NCF2: variants seen among roughly 807,000 people sequenced by gnomAD.
NCF2 encodes the protein neutrophil cytosol factor 2.
NCF2 carries 45 observed loss-of-function variants against 70.9 expected under a neutral mutation model. That is an observed-to-expected ratio of 0.63 (90% CI 0.50 to 0.81). NCF2 has a LOEUF of 0.81. Among genes scored for constraint, NCF2 ranks in the 40% least tolerant of loss-of-function variants. The pLI, the probability that NCF2 is intolerant of heterozygous loss-of-function variation, is 0.00. For missense variants in NCF2, 522 were observed against 631.6 expected (o/e 0.83, Z 1.86); for synonymous variants, 203 against 233.6 (o/e 0.87, Z 1.19).
At chr1:183,591,964 T>C (rs1673673432), upstream of NCF2, among the ~76,000 whole-genome samples, 2 of 152,180 alleles carry the variant, frequency 1.3e-5, no homozygotes, top group African/African-American at 4.8e-5. Context: ...AAAAAACAGA[T>C]TTAAGAGTTC....
intron 3 of NCF2, among the ~76,000 whole-genome samples, chr1:183,576,522 G>C (rs551149903): frequency 6.8e-4 from 103 of 152,340 alleles, no homozygotes; most frequent in African/African-American, 2.5e-3. Flanking sequence ...TTCCCACGAT[G>C]CGCAGGACGC....
At chr1:183,595,579 C>A (rs953483253), upstream of NCF2, among the ~76,000 whole-genome samples, 3 of 152,228 alleles carry the variant, frequency 2.0e-5, no homozygotes, top group East Asian at 5.8e-4. Flanking sequence ...GGAGACTTGA[C>A]GGCATCTGCT....
At chr1:183,583,031 T>C (rs1369326994) in intron 2 of NCF2, among the ~76,000 whole-genome samples, 1 of 152,108 alleles carries the variant, frequency 6.6e-6, no homozygotes. Flanking sequence ...CCTTAAACAA[T>C]TCCCTTTTGT....
At position 183,557,588 on chromosome 1, in the gene NCF2, T is replaced by C. The variant is rs570505900; in HGVS notation, c.1469-1358A>G. Among the ~76,000 whole-genome samples, 9 of 152,362 alleles carry C rather than the reference T, an allele frequency of 5.9e-5. No homozygotes were observed. In the South Asian group the frequency reaches 6.2e-4, roughly 11 times the overall value. On this transcript the variant is annotated intron_variant, in intron 14 of 14. Coordinates refer to ENST00000367535, the MANE Select transcript of NCF2 (RefSeq NM_000433.4). ...CTCCCCTCTGTCCTACCCTGACCGC[T>C]AAATTCTGTTTTCTGTTGAAGTGCT...
intron 11 of NCF2, 22 bp downstream of exon 11, chr1:183,563,983 C>G: frequency 1.3e-6 from 2 of 1,598,080 alleles, no homozygotes; most frequent in Non-Finnish European, 1.7e-6. Context: ...CCACTTGAAA[C>G]AGTATGAGGG....
In NCF2 at chr1:183,590,020, G is replaced by A. The variant is rs555224741; in HGVS notation, c.174+136C>T. The A allele has an allele frequency of 4.7e-5, 63 of 1,327,138 alleles. 1 individual carries two copies. The African/African-American group carries it at 8.2e-4, about 17-fold the overall frequency. The allele number at this position is 1,327,138 out of a possible 1,614,324, so 82.2% of individuals were successfully genotyped here. ...GCCCCTCCCAGACCAGTTAAATCAG[G>A]CTGTCTAGGGGTGGAGCTTGGGCAA... On this transcript the variant is annotated intron_variant, in intron 1 of 14. Transcript: ENST00000367535.
At chr1:183,599,512 C>CTTCCTTCTTTCTCTTTCTTTCTTTCT in the NCF2 span, among the ~76,000 whole-genome samples, 2 of 122,864 alleles carry the variant, frequency 1.6e-5, no homozygotes, top group Non-Finnish European at 1.6e-5. Context: ...TTCTTCCTTC[C>CTTCCTTCTTTCTCTTTCTTTCTTTCT]TTCCTTCTTT....
intron 11 of NCF2, chr1:183,563,798 G>T: frequency 1.2e-6 from 1 of 809,948 alleles, no homozygotes; most frequent in Non-Finnish European, 2.1e-6. Flanking sequence ...GTAAGATCTG[G>T]CCCACTAGCT....
Position 183,563,808 on chromosome 1 carries a change from T to G in NCF2, c.1026+197A>C, listed in dbSNP as rs567145856. 4 of 817,976 alleles carry G rather than the reference T, an allele frequency of 4.9e-6. No homozygotes were observed. In the South Asian group the frequency reaches 6.1e-5, roughly 12 times the overall value. 50.7% of individuals were successfully genotyped at this position (817,976 alleles called of 1,614,324 possible). A position where few individuals can be genotyped will look rare whatever the true frequency, so the allele number is the denominator to read the frequency against. On this transcript the variant is annotated intron_variant, in intron 11 of 14. Transcript: ENST00000367535. ...ACTGAGTAAGATCTGGCCCACTAGC[T>G]TGGGTAGTAGGAAGTGTGTGCATGA...
chr1:183,587,093 C>CGAG, intron 1 of NCF2, 116 bp from the exon 2 acceptor site: 1 of 978,282 alleles, frequency 1.0e-6, no homozygotes, highest in Non-Finnish European at 1.6e-6. Flanking sequence ...TGTCTGCCCT[C>CGAG]GTCGGCACCT....
At chr1:183,598,707 C>T in the NCF2 span, among the ~76,000 whole-genome samples, 2 of 152,100 alleles carry the variant, frequency 1.3e-5, no homozygotes, top group Non-Finnish European at 2.9e-5. Context: ...AGAGTGAAAG[C>T]AAAACTGCTC....
At chr1:183,594,089 G>A (rs76655944), upstream of NCF2, among the ~76,000 whole-genome samples, 1,148 of 152,342 alleles carry the variant, frequency 7.5e-3, 8 homozygotes, top group Middle Eastern at 0.02. Flanking sequence ...CAGATGCTTA[G>A]TTATGCTGAT....
intron 14 of NCF2, among the ~76,000 whole-genome samples, chr1:183,558,635 G>A (rs1022645100): frequency 6.6e-6 from 1 of 151,662 alleles, no homozygotes. Context: ...GTGCAATCTC[G>A]GCTCACTGCA....
chr1:183,588,346 A>G (rs1280801661), intron 1 of NCF2, among the ~76,000 whole-genome samples: 1 of 152,044 alleles, frequency 6.6e-6, no homozygotes, highest in African/African-American at 2.4e-5. Context: ...TTGGTGGTGC[A>G]TGCCTGTAAT....
intron 10 of NCF2, among the ~76,000 whole-genome samples, chr1:183,564,925 C>T (rs1199009340): frequency 6.6e-6 from 1 of 152,202 alleles, no homozygotes; most frequent in African/African-American, 2.4e-5. Context: ...AACTTTTCAA[C>T]TGGCTCGGGG....
At chr1:183,594,529 T>C (rs1232935231), upstream of NCF2, among the ~76,000 whole-genome samples, 4 of 152,222 alleles carry the variant, frequency 2.6e-5, no homozygotes, top group Non-Finnish European at 4.4e-5. Context: ...TTCTATTAGT[T>C]ATGGTTTAAA....
the NCF2 span, among the ~76,000 whole-genome samples, chr1:183,601,840 A>G: frequency 6.7e-6 from 1 of 148,622 alleles, no homozygotes; most frequent in Non-Finnish European, 1.5e-5. Flanking sequence ...ACTGGGCGAC[A>G]GAGAGAGATC....
the NCF2 span, among the ~76,000 whole-genome samples, chr1:183,598,910 G>A: frequency 6.6e-6 from 1 of 152,230 alleles, no homozygotes; most frequent in Non-Finnish European, 1.5e-5. Flanking sequence ...GGATGTATGG[G>A]CAAGTATGAG....
rs189540801 is a variant in NCF2, at chr1:183,574,638, C to T, written c.367-17G>A. The T allele has an allele frequency of 3.8e-4, 611 of 1,613,922 alleles. 2 individuals carry two copies. In the Admixed American group the frequency reaches 4.0e-3, roughly 11 times the overall value. ...ATATAACACCTAGAAAAGTACAGAC[C>T]GCAACATAAAACTTGAGACTACTCC... On this transcript the variant is annotated splice_polypyrimidine_tract_variant and intron_variant, in intron 3 of 14. Transcript: ENST00000367535.
Sources: gnomAD v4.1 joint callset for allele counts (sites outside exome capture counted in the v4.1 genomes callset) on GRCh38, gnomAD v4.1.1 for gene constraint, MANE v1.5 for transcripts, NCBI Gene and HGNC (gene_info 2026-07-23, HGNC 2026-07-21) for gene names.